The following MRLN variants were observed in gnomAD, a reference collection of about 807,000 sequenced individuals.
MRLN encodes the protein myoregulin.
At chr10:59,749,457 G>A (rs1209750535) in intron 1 of MRLN, among the ~76,000 whole-genome samples, 1 of 152,154 alleles carries the variant, frequency 6.6e-6, no homozygotes, top group Admixed American at 6.5e-5. Flanking sequence ...ACTTTGGGAG[G>A]CCAAGGCAGG....
intron 1 of MRLN, among the ~76,000 whole-genome samples, chr10:59,746,266 A>C (rs1302654157): frequency 3.3e-5 from 5 of 152,226 alleles, no homozygotes; most frequent in Non-Finnish European, 7.3e-5. Flanking sequence ...TTGAAAAATG[A>C]GACACAGTTG....
chr10:59,740,776 TTTTCTTTCTTTC>T (rs145234174), intron 1 of MRLN, among the ~76,000 whole-genome samples: 7 of 141,560 alleles, frequency 4.9e-5, no homozygotes, highest in South Asian at 2.2e-4. Context: ...TTTTTCTTTG[TTTTCTTTCTTTC>T]TTTCTTTCTT....
At chr10:59,752,231 G>A (rs2070165305) in intron 1 of MRLN, among the ~76,000 whole-genome samples, 1 of 152,042 alleles carries the variant, frequency 6.6e-6, no homozygotes, top group Admixed American at 6.6e-5. Flanking sequence ...TTAAATTCAT[G>A]TTTCCCATCA....
chr10:59,744,520 C>CCGGG (rs1303873253), intron 1 of MRLN, among the ~76,000 whole-genome samples: 2 of 150,374 alleles, frequency 1.3e-5, no homozygotes. Flanking sequence ...GCCACCCCGT[C>CCGGG]TGGGAGGTGG....
At chr10:59,748,570 C>T (rs527721937) in intron 1 of MRLN, among the ~76,000 whole-genome samples, 85 of 152,214 alleles carry the variant, frequency 5.6e-4, no homozygotes, top group African/African-American at 2.0e-3. Flanking sequence ...TATTCTCTTT[C>T]CAGCTAAGAA....
At chr10:59,740,999 T>C (rs1293906495) in intron 1 of MRLN, among the ~76,000 whole-genome samples, 6 of 152,114 alleles carry the variant, frequency 3.9e-5, no homozygotes, top group African/African-American at 1.4e-4. Context: ...TATTTCACCA[T>C]GTTGGCCAGG....
chr10:59,743,174 C>T (rs1477437138), intron 1 of MRLN, among the ~76,000 whole-genome samples: 1 of 151,916 alleles, frequency 6.6e-6, no homozygotes, highest in Non-Finnish European at 1.5e-5. Context: ...TTTCTTTTCC[C>T]TCTGCTGTTT....
chr10:59,752,500 G>C (rs2132597955), intron 1 of MRLN, among the ~76,000 whole-genome samples: 1 of 152,300 alleles, frequency 6.6e-6, no homozygotes, highest in South Asian at 2.1e-4. Context: ...TGTGGTCCAA[G>C]CCAGGGCTCA....
intron 1 of MRLN, among the ~76,000 whole-genome samples, chr10:59,749,524 C>T (rs373758125): frequency 2.0e-5 from 3 of 152,048 alleles, no homozygotes; most frequent in South Asian, 4.2e-4. Flanking sequence ...CAAAACCCTG[C>T]CTCTACTAAA....
At chr10:59,746,000 C>A (rs1463687116) in intron 1 of MRLN, among the ~76,000 whole-genome samples, 3 of 152,152 alleles carry the variant, frequency 2.0e-5, no homozygotes, top group Middle Eastern at 3.2e-3. Flanking sequence ...TCAATTTCTC[C>A]TAACCTCTAA....
intron 1 of MRLN, among the ~76,000 whole-genome samples, chr10:59,745,906 C>A (rs918565482): frequency 3.3e-5 from 5 of 151,978 alleles, no homozygotes; most frequent in Admixed American, 1.3e-4. Context: ...GCAAAAAAAA[C>A]CACAACAACA....
At chr10:59,745,050 T>C (rs1001958438) in intron 1 of MRLN, among the ~76,000 whole-genome samples, 3 of 151,956 alleles carry the variant, frequency 2.0e-5, no homozygotes, top group African/African-American at 7.3e-5. Context: ...CCCTCCACTA[T>C]TGTCCTATGA....
intron 1 of MRLN, chr10:59,744,817 C>T (rs932903195): frequency 4.6e-5 from 8 of 173,190 alleles, no homozygotes; most frequent in African/African-American, 1.4e-4. Flanking sequence ...ACCCCCAACT[C>T]CGTGCTCTCT....
At chr10:59,739,917 C>A (rs932724095) in intron 1 of MRLN, among the ~76,000 whole-genome samples, 3 of 152,024 alleles carry the variant, frequency 2.0e-5, no homozygotes, top group Non-Finnish European at 4.4e-5. Context: ...GATGGTGACA[C>A]CCTGTCTATA....
chr10:59,743,536 G>C (rs904359447), intron 1 of MRLN, among the ~76,000 whole-genome samples: 1 of 152,092 alleles, frequency 6.6e-6, no homozygotes, highest in African/African-American at 2.4e-5. Context: ...TCTGTTTCTA[G>C]ATCTAAATAA....
intron 1 of MRLN, among the ~76,000 whole-genome samples, chr10:59,741,549 AT>A (rs1415837918): frequency 8.6e-5 from 13 of 151,804 alleles, no homozygotes; most frequent in Non-Finnish European, 1.9e-4. Flanking sequence ...TGCCTAGCTA[AT>A]TTTTTGTATT....
intron 1 of MRLN, among the ~76,000 whole-genome samples, chr10:59,748,202 C>T (rs945332307): frequency 1.6e-4 from 25 of 151,574 alleles, no homozygotes; most frequent in African/African-American, 5.8e-4. Flanking sequence ...GTTGGGATGG[C>T]CACCGTTTCT....
intron 1 of MRLN, 147 bp from the exon 2 acceptor site, chr10:59,738,709 G>A (rs190766510): frequency 6.6e-6 from 1 of 152,328 alleles, no homozygotes; most frequent in East Asian, 1.9e-4. Flanking sequence ...TTGAAAATAT[G>A]ACACTTTAAT....
chr10:59,737,077 C>G lies in MRLN; in HGVS notation c.124G>C (p.Val42Leu), dbSNP rs1589014568. 2 of 397,082 alleles carry G rather than the reference C, an allele frequency of 5.0e-6. No individual in the cohort carries two copies. Among genetic ancestry groups the G allele is most frequent in the East Asian group, 7.2e-5 (2 of 27,874 alleles). The allele number at this position is 397,082 out of a possible 1,614,324, so 24.6% of individuals were successfully genotyped here. ...IFVDLISIIY[V>L]VITS ...TCAGCTTTCTAAGAAGTTATCACAACATATATAATAGAAATTAAGTCAACA... is the reference window on the plus strand; with the variant it reads ...TCAGCTTTCTAAGAAGTTATCACAAGATATATAATAGAAATTAAGTCAACA... The change falls in exon 3 of 3, where the codon GTT becomes CTT. Residue 42 changes from valine (V) to leucine (L), a missense_variant. Physicochemically the swap from Val to Leu is conservative, Grantham distance 32 (BLOSUM62 1). Transcript: ENST00000414264.
Sources: gnomAD v4.1 joint callset for allele counts (sites outside exome capture counted in the v4.1 genomes callset) on GRCh38, gnomAD v4.1.1 for gene constraint, MANE v1.5 for transcripts, NCBI Gene and HGNC (gene_info 2026-07-23, HGNC 2026-07-21) for gene names.